UST: variants seen among roughly 807,000 people sequenced by gnomAD.
The protein encoded by UST is chondroitin sulfate 2-O-sulfotransferase.
Under a neutral mutation model 45.6 loss-of-function variants are expected in UST, and 21 were observed. The observed-to-expected ratio is 0.46, with a 90% CI of 0.33 to 0.66. The LOEUF (loss-of-function observed/expected upper bound fraction) is 0.66, where lower values mean the gene tolerates loss of function less well. Ranked by LOEUF, UST falls within the 30% of genes least tolerant of loss-of-function variation. The pLI is 0.02. For missense variants in UST, 463 were observed against 512.4 expected, an observed-to-expected ratio of 0.90 and a Z score of 0.93; for synonymous variants, 215 against 200.6, an observed-to-expected ratio of 1.07 and a Z score of -0.61.
chr6:148,823,925 A>G (rs1425656106), intron 1 of UST, among the ~76,000 whole-genome samples: 1 of 152,210 alleles, frequency 6.6e-6, no homozygotes, highest in African/African-American at 2.4e-5. Context: ...TCACTTATAA[A>G]TAATCAAAAA....
chr6:149,036,035 G>A (rs1178376586), intron 7 of UST, among the ~76,000 whole-genome samples: 5 of 152,210 alleles, frequency 3.3e-5, no homozygotes, highest in South Asian at 2.1e-4. Context: ...AACAGGCGCT[G>A]AAGGTTCTCA....
intron 2 of UST, among the ~76,000 whole-genome samples, chr6:148,929,529 C>A (rs530421837): frequency 2.3e-4 from 35 of 152,212 alleles, no homozygotes; most frequent in African/African-American, 8.4e-4. Context: ...AGTCTGAGGA[C>A]AATGCTGGCA....
At chr6:148,863,832 G>A (rs777044892) in intron 1 of UST, among the ~76,000 whole-genome samples, 10 of 152,168 alleles carry the variant, frequency 6.6e-5, no homozygotes, top group Admixed American at 2.6e-4. Flanking sequence ...ATTGCAGAAC[G>A]GCAAATGTTC....
rs564073328 is a variant in UST at position 149,026,186 on chromosome 6, C to T, written c.937+4705C>T. 5.9e-5 allele frequency among the ~76,000 whole-genome samples: 9 copies of T among 151,300 alleles called. No homozygotes were observed. In the South Asian group the frequency reaches 1.5e-3, roughly 25 times the overall value. On this transcript the variant is annotated intron_variant, in intron 7 of 7. Transcript: ENST00000367463. Reference sequence around the variant, plus strand: ...AAAAAACAGGCCTGATGGCATGTGCCTGTGGTCCCAGCTACTGGGCAGGCT... The same window carrying T: ...AAAAAACAGGCCTGATGGCATGTGCTTGTGGTCCCAGCTACTGGGCAGGCT...
chr6:148,983,109 A>G (rs539795148), intron 5 of UST, among the ~76,000 whole-genome samples: 2 of 152,374 alleles, frequency 1.3e-5, no homozygotes, highest in South Asian at 4.1e-4. Context: ...TTACGGCATC[A>G]GTTAACACCA....
chr6:148,768,895 GA>G (rs1776368576), intron 1 of UST, among the ~76,000 whole-genome samples: 1 of 152,212 alleles, frequency 6.6e-6, no homozygotes, highest in African/African-American at 2.4e-5. Flanking sequence ...TCTCAGCTAT[GA>G]TTCTCAGCAC....
chr6:148,831,405 A>T (rs1777685322), intron 1 of UST, among the ~76,000 whole-genome samples: 1 of 152,198 alleles, frequency 6.6e-6, no homozygotes, highest in Non-Finnish European at 1.5e-5. Flanking sequence ...TTCGCCTTAT[A>T]GTTTAGTTTT....
chr6:149,024,279 C>G (rs1776020630), intron 7 of UST, among the ~76,000 whole-genome samples: 1 of 152,244 alleles, frequency 6.6e-6, no homozygotes, highest in African/African-American at 2.4e-5. Flanking sequence ...CAGTGTCACA[C>G]TCAGTGACTG....
In UST at chr6:148,790,194, C is replaced by T. The variant is rs1458722427; in HGVS notation, c.247+42517C>T. Among the ~76,000 whole-genome samples, 6 of 152,150 alleles carry T rather than the reference C, an allele frequency of 3.9e-5. No homozygotes were observed. The highest frequency in any genetic ancestry group is 3.9e-4 in the East Asian group (2 of 5,192). ...GCGTCTCCTCCTAAGGCGGCAGCCT[C>T]GCTGGGTGGATTGAGTGGTTACCTT... On this transcript the variant is annotated intron_variant, in intron 1 of 7. Transcript: ENST00000367463. This position sits in a 1 kb window ranked among gnomAD's most constrained non-coding sequence, Gnocchi z 4.2.
At chr6:148,950,253 A>G (rs1032071769) in intron 3 of UST, among the ~76,000 whole-genome samples, 1 of 152,186 alleles carries the variant, frequency 6.6e-6, no homozygotes, top group Non-Finnish European at 1.5e-5. Flanking sequence ...TTGCATTTCT[A>G]ACAAGTCTCG....
intron 1 of UST, among the ~76,000 whole-genome samples, chr6:148,851,616 G>T (rs1778108066): frequency 6.6e-6 from 1 of 152,188 alleles, no homozygotes; most frequent in Non-Finnish European, 1.5e-5. Flanking sequence ...TGCTCAGCCA[G>T]GCGACCTTTA....
In UST at chr6:148,988,078, C is replaced by T. The variant is rs566760607; in HGVS notation, c.681+23515C>T. Among the ~76,000 whole-genome samples, 11 of 151,932 alleles carry T rather than the reference C, an allele frequency of 7.2e-5. No homozygotes were observed. The East Asian group carries it at 9.8e-4, about 14-fold the overall frequency. ...TGAGGCTTCCTGGAGGAGGTGTTACCTCAGTTGAGTCTTGCAGGATGAGTA... is the reference window on the plus strand; with the variant it reads ...TGAGGCTTCCTGGAGGAGGTGTTACTTCAGTTGAGTCTTGCAGGATGAGTA... On this transcript the variant is annotated intron_variant, in intron 5 of 7. Coordinates refer to ENST00000367463, the MANE Select transcript of UST (RefSeq NM_005715.3).
At chr6:148,966,676 A>G (rs1042983952) in intron 5 of UST, among the ~76,000 whole-genome samples, 2 of 152,256 alleles carry the variant, frequency 1.3e-5, no homozygotes, top group Non-Finnish European at 2.9e-5. Context: ...AGCTGCAATC[A>G]TTAGAGAGAA....
chr6:148,915,075 A>G (rs1170185692), intron 2 of UST, among the ~76,000 whole-genome samples: 2 of 152,108 alleles, frequency 1.3e-5, no homozygotes, highest in Non-Finnish European at 2.9e-5. Context: ...TTATAAGAGC[A>G]CTAATCCCGT....
intron 1 of UST, among the ~76,000 whole-genome samples, chr6:148,866,561 T>C (rs1426148009): frequency 1.3e-5 from 2 of 152,182 alleles, no homozygotes; most frequent in Admixed American, 6.5e-5. Context: ...ATGATAGACA[T>C]AATAAATGCC....
At chr6:148,988,598 A>G (rs1196426149) in intron 5 of UST, among the ~76,000 whole-genome samples, 4 of 151,698 alleles carry the variant, frequency 2.6e-5, no homozygotes, top group Non-Finnish European at 5.9e-5. Flanking sequence ...AAAAAAGCAA[A>G]AAACAACAAT....
chr6:149,029,866 T>TG (rs1776112970), intron 7 of UST, among the ~76,000 whole-genome samples: 2 of 140,706 alleles, frequency 1.4e-5, no homozygotes, highest in Non-Finnish European at 1.5e-5. Context: ...GCACTGGATC[T>TG]TGTGTGTGTG....
chr6:149,044,545 G>A (rs1047681427), intron 7 of UST, among the ~76,000 whole-genome samples: 3 of 152,138 alleles, frequency 2.0e-5, no homozygotes, highest in Non-Finnish European at 4.4e-5. Context: ...CTTTTGAGGG[G>A]GATGACGGTC....
intron 2 of UST, among the ~76,000 whole-genome samples, chr6:148,914,816 A>C (rs9399672): frequency 0.11 from 16,946 of 152,214 alleles, 1,396 homozygotes; most frequent in East Asian, 0.41. Flanking sequence ...AATATATAAA[A>C]TCTAATATAT....
Sources: allele counts gnomAD v4.1 joint callset (sites outside exome capture counted in the v4.1 genomes callset), GRCh38; gene constraint gnomAD v4.1.1; non-coding constraint Gnocchi (gnomAD v3.1); transcripts MANE v1.5; gene names NCBI Gene and HGNC (gene_info 2026-07-23, HGNC 2026-07-21).